The following HSF2BP variants were observed in gnomAD, a reference collection of about 807,000 sequenced individuals.
The protein encoded by HSF2BP is heat shock factor 2-binding protein.
A neutral mutation model predicts 35.0 loss-of-function variants in HSF2BP; 35 were observed. The observed-to-expected ratio is 1.00, with a 90% CI of 0.76 to 1.32. The LOEUF (loss-of-function observed/expected upper bound fraction) is 1.32. Among genes scored for constraint, HSF2BP ranks in the 40% most tolerant of loss-of-function variants. The pLI is 0.00. For synonymous variants in HSF2BP, 114 were observed against 117.4 expected (o/e 0.97, Z 0.18); for missense variants, 326 against 321.7 (o/e 1.01, Z -0.10).
chr21:43,592,187 C>T (rs367798578), intron 8 of HSF2BP, 38 bp downstream of exon 8: 216 of 1,376,300 alleles, frequency 1.6e-4, no homozygotes, highest in Non-Finnish European at 2.1e-4. Flanking sequence ...TACTGCATAA[C>T]CCGTACAAGC....
chr21:43,647,570 G>A (rs983571057), intron 3 of HSF2BP, among the ~76,000 whole-genome samples: 1 of 152,154 alleles, frequency 6.6e-6, no homozygotes, highest in African/African-American at 2.4e-5. Flanking sequence ...ACATGAGAAT[G>A]GCTGTGTCTC....
At chr21:43,635,100 C>T (rs1021951763) in intron 4 of HSF2BP, among the ~76,000 whole-genome samples, 2 of 151,824 alleles carry the variant, frequency 1.3e-5, no homozygotes, top group African/African-American at 4.8e-5. Flanking sequence ...AAACAAACCT[C>T]AAAGAAAATC....
the HSF2BP span, among the ~76,000 whole-genome samples, chr21:43,468,232 ACCTC>A: frequency 1.9e-3 from 1 of 526 alleles, no homozygotes; most frequent in Non-Finnish European, 4.1e-3. Context: ...CACCCCACAT[ACCTC>A]CCACACACAC....
intron 7 of HSF2BP, among the ~76,000 whole-genome samples, chr21:43,610,646 A>T (rs2146903739): frequency 1.3e-5 from 2 of 152,086 alleles, no homozygotes; most frequent in South Asian, 4.2e-4. Flanking sequence ...ATATACACAT[A>T]TATTTTTTCT....
intron 7 of HSF2BP, among the ~76,000 whole-genome samples, chr21:43,596,888 A>G (rs113343612): frequency 0.044 from 3,447 of 77,990 alleles, 44 homozygotes; most frequent in Middle Eastern, 0.12. Flanking sequence ...CCCTGTCTCA[A>G]AAAAAAAAAA....
intron 3 of HSF2BP, among the ~76,000 whole-genome samples, chr21:43,653,726 A>G (rs906333437): frequency 6.6e-6 from 1 of 152,216 alleles, no homozygotes; most frequent in African/African-American, 2.4e-5. Flanking sequence ...CAAACTACTC[A>G]GGCTACAGTG....
At chr21:43,627,960 T>C (rs2082409478) in intron 6 of HSF2BP, among the ~76,000 whole-genome samples, 1 of 152,170 alleles carries the variant, frequency 6.6e-6, no homozygotes, top group African/African-American at 2.4e-5. Context: ...ACTGTAATTG[T>C]TTTAGGGCAC....
At chr21:43,623,220 C>A (rs923853905) in intron 6 of HSF2BP, among the ~76,000 whole-genome samples, 1 of 151,636 alleles carries the variant, frequency 6.6e-6, no homozygotes, top group Admixed American at 6.6e-5. Flanking sequence ...CCAAATGCGT[C>A]AATGAAAAAA....
intron 8 of HSF2BP, among the ~76,000 whole-genome samples, chr21:43,582,543 A>G (rs1332618817): frequency 1.3e-4 from 7 of 55,120 alleles, no homozygotes; most frequent in African/African-American, 7.8e-5. Context: ...GGAGATGAGG[A>G]CCTGCTGAGG....
At chr21:43,639,875 G>T (rs776955519) in intron 4 of HSF2BP, among the ~76,000 whole-genome samples, 6 of 152,142 alleles carry the variant, frequency 3.9e-5, no homozygotes, top group East Asian at 3.9e-4. Context: ...AAAAAAAACC[G>T]TAAGAACTAT....
intron 7 of HSF2BP, among the ~76,000 whole-genome samples, chr21:43,602,839 T>C (rs1324642588): frequency 6.6e-6 from 1 of 152,148 alleles, no homozygotes; most frequent in Non-Finnish European, 1.5e-5. Context: ...CATTCAGGAA[T>C]GTGGGTAGCT....
chr21:43,652,496 G>T (rs949398892), intron 3 of HSF2BP, among the ~76,000 whole-genome samples: 1 of 151,386 alleles, frequency 6.6e-6, no homozygotes, highest in East Asian at 1.9e-4. Flanking sequence ...GAGAGTAGAA[G>T]AATCAGTATG....
intron 4 of HSF2BP, among the ~76,000 whole-genome samples, chr21:43,635,085 A>C (rs2082533845): frequency 1.3e-5 from 2 of 152,170 alleles, no homozygotes; most frequent in South Asian, 4.1e-4. Flanking sequence ...TATCAAAAAA[A>C]AAACAAACAA....
intron 4 of HSF2BP, among the ~76,000 whole-genome samples, chr21:43,638,843 A>T (rs931088160): frequency 6.6e-6 from 1 of 152,240 alleles, no homozygotes; most frequent in Non-Finnish European, 1.5e-5. Context: ...AAGCTAGAAT[A>T]GTTAGGGCAA....
At chr21:43,505,777 T>C in the HSF2BP span, among the ~76,000 whole-genome samples, 1 of 117,382 alleles carries the variant, frequency 8.5e-6, no homozygotes, top group Non-Finnish European at 1.8e-5. Flanking sequence ...TGCGTGTCCC[T>C]GGAGACTAAT....
At chr21:43,496,014 C>T in the HSF2BP span, among the ~76,000 whole-genome samples, 1 of 127,080 alleles carries the variant, frequency 7.9e-6, no homozygotes, top group Non-Finnish European at 1.7e-5. Flanking sequence ...CTCAAACACA[C>T]GTGCACACAC....
In HSF2BP at chr21:43,637,685, T is replaced by C. The variant is rs868058941; in HGVS notation, c.292-4264A>G. On this transcript the variant is annotated intron_variant, in intron 4 of 8. Transcript: ENST00000291560. ...AAAAAATTAGCTGTATGGTGGCATA[T>C]GCCTATAGACTCAGGAGGTTCAGGC... 7.3e-5 allele frequency among the ~76,000 whole-genome samples: 11 copies of C among 151,714 alleles called. No homozygotes were observed. In the Middle Eastern group the frequency reaches 0.01, roughly 141 times the overall value.
chr21:43,634,311 G>C (rs993217883), intron 4 of HSF2BP, among the ~76,000 whole-genome samples: 1 of 152,288 alleles, frequency 6.6e-6, no homozygotes, highest in Non-Finnish European at 1.5e-5. Flanking sequence ...TGAGTGTACT[G>C]CTAGAGTGAT....
intron 8 of HSF2BP, among the ~76,000 whole-genome samples, chr21:43,583,878 A>AG (rs1406705265): frequency 7.7e-5 from 8 of 104,280 alleles, no homozygotes; most frequent in South Asian, 6.7e-4. Flanking sequence ...AGGGAGATGA[A>AG]GACCTGCTGA....
Sources: gnomAD v4.1 joint callset for allele counts (sites outside exome capture counted in the v4.1 genomes callset) on GRCh38, gnomAD v4.1.1 for gene constraint, MANE v1.5 for transcripts, NCBI Gene and HGNC (gene_info 2026-07-23, HGNC 2026-07-21) for gene names.